LPCAT2: variants seen among roughly 807,000 people sequenced by gnomAD.
The protein encoded by LPCAT2 is lysophosphatidylcholine acyltransferase 2.
Under a neutral mutation model 64.7 loss-of-function variants are expected in LPCAT2, and 58 were observed. That is an observed-to-expected ratio of 0.90 (90% confidence interval 0.73 to 1.12). LPCAT2 has a LOEUF of 1.12. Ranked by LOEUF, LPCAT2 falls within the 50% of genes most tolerant of loss-of-function variation. LPCAT2 has a pLI of 0.00. For synonymous variants in LPCAT2, 252 were observed against 245.3 expected, an observed-to-expected ratio of 1.03 and a Z score of -0.26; for missense variants, 579 against 669.8, an observed-to-expected ratio of 0.86 and a Z score of 1.50.
intron 11 of LPCAT2, among the ~76,000 whole-genome samples, chr16:55,554,836 G>A (rs76396852): frequency 0.016 from 2,401 of 152,128 alleles, 59 homozygotes; most frequent in African/African-American, 0.051. Flanking sequence ...GTTATTACTC[G>A]GCCTAATTTC....
In LPCAT2 at chr16:55,528,569, G is replaced by C; in HGVS notation, c.504G>C (p.Glu168Asp). Residue 168 changes from glutamate (E) to aspartate (D), a missense_variant, in exon 3 of 14, where the codon GAG becomes GAC. Physicochemically the swap from Glu to Asp is conservative, Grantham distance 45. Coordinates refer to ENST00000262134, the MANE Select transcript of LPCAT2 (RefSeq NM_017839.5). ...AGLPSMVSRN[E>D]NAQVPLIGRL... is the part of the protein sequence containing the mutation. Reference sequence around the variant, plus strand: ...TACCTTCTATGGTATCTCGAAATGAGAATGCACAAGTCCCTCTGATTGGCA... The same window carrying C: ...TACCTTCTATGGTATCTCGAAATGACAATGCACAAGTCCCTCTGATTGGCA... The C allele has an allele frequency of 2.5e-6, 4 of 1,613,324 alleles. No homozygotes were observed. The highest frequency in any genetic ancestry group is 3.4e-6 in the Non-Finnish European group (4 of 1,179,428).
At chr16:55,578,762 T>A (rs1963856857) in intron 12 of LPCAT2, among the ~76,000 whole-genome samples, 1 of 152,172 alleles carries the variant, frequency 6.6e-6, no homozygotes, top group Non-Finnish European at 1.5e-5. Flanking sequence ...CACTTGCCAT[T>A]CTTTGTATAT....
chr16:55,566,132 G>C (rs1184711534), intron 11 of LPCAT2, among the ~76,000 whole-genome samples: 2 of 152,122 alleles, frequency 1.3e-5, no homozygotes, highest in Non-Finnish European at 2.9e-5. Flanking sequence ...TTTCAAAAAA[G>C]ATTTTAGCAA....
At chr16:55,515,031 A>C (rs1280830858) in intron 1 of LPCAT2, among the ~76,000 whole-genome samples, 3 of 152,044 alleles carry the variant, frequency 2.0e-5, no homozygotes, top group Admixed American at 1.3e-4. Flanking sequence ...GAACATAAAA[A>C]AAGATGAAGA....
At chr16:55,546,783 T>G (rs1426168047) in intron 9 of LPCAT2, among the ~76,000 whole-genome samples, 4 of 152,092 alleles carry the variant, frequency 2.6e-5, no homozygotes, top group African/African-American at 7.2e-5. Context: ...TTTTATGTTT[T>G]CTTCTCTTCC....
chr16:55,533,769 T>G (rs1414365354), intron 6 of LPCAT2, among the ~76,000 whole-genome samples: 2 of 152,122 alleles, frequency 1.3e-5, no homozygotes, highest in Non-Finnish European at 1.5e-5. Context: ...CTGTTCCAGT[T>G]GGGTACATTG....
chr16:55,517,417 T>C (rs557562270), intron 1 of LPCAT2, among the ~76,000 whole-genome samples: 2 of 152,150 alleles, frequency 1.3e-5, no homozygotes, highest in South Asian at 4.2e-4. Flanking sequence ...AAAGGGTTAA[T>C]GAAGAATTAA....
intron 8 of LPCAT2, among the ~76,000 whole-genome samples, chr16:55,544,827 C>T (rs1963435396): frequency 6.6e-6 from 1 of 152,014 alleles, no homozygotes; most frequent in Non-Finnish European, 1.5e-5. Flanking sequence ...TTTTTTGAAT[C>T]TGACAAATCT....
At chr16:55,559,663 A>G (rs761372444) in intron 11 of LPCAT2, among the ~76,000 whole-genome samples, 4 of 152,054 alleles carry the variant, frequency 2.6e-5, no homozygotes, top group South Asian at 2.1e-4. Flanking sequence ...TTTATATGTA[A>G]TACAGTATTT....
chr16:55,577,128 G>A (rs1446675485), intron 12 of LPCAT2, among the ~76,000 whole-genome samples: 2 of 152,120 alleles, frequency 1.3e-5, no homozygotes, highest in Admixed American at 6.6e-5. Flanking sequence ...AACAGATGTC[G>A]ATTCACTTTT....
chr16:55,565,810 C>T lies in LPCAT2; in HGVS notation c.1216-8821C>T, dbSNP rs191683605. ...TTTCACAATGCAAATATACTTAATG[C>T]CACTGAACTCTATACTTAAAAATGG... On this transcript the variant is annotated intron_variant, in intron 11 of 13. Coordinates refer to ENST00000262134, the MANE Select transcript of LPCAT2 (RefSeq NM_017839.5). 6.2e-4 allele frequency among the ~76,000 whole-genome samples: 94 copies of T among 152,136 alleles called. 1 individual carries two copies. The highest frequency in any genetic ancestry group is 2.2e-3 in the African/African-American group (90 of 41,530).
intron 7 of LPCAT2, among the ~76,000 whole-genome samples, chr16:55,535,324 G>A (rs147504986): frequency 2.6e-5 from 4 of 152,084 alleles, no homozygotes; most frequent in East Asian, 1.9e-4. Context: ...TAACTTCAAC[G>A]TAATCCAACC....
At chr16:55,543,219 A>G (rs1963416818) in intron 8 of LPCAT2, among the ~76,000 whole-genome samples, 3 of 152,168 alleles carry the variant, frequency 2.0e-5, no homozygotes, top group Non-Finnish European at 4.4e-5. Flanking sequence ...GATTTTAATT[A>G]TTTTGTACTC....
chr16:55,560,606 C>G (rs1963625228), intron 11 of LPCAT2, among the ~76,000 whole-genome samples: 1 of 152,034 alleles, frequency 6.6e-6, no homozygotes, highest in Admixed American at 6.6e-5. Flanking sequence ...ATGTTGCTGT[C>G]ACAAATCTAG....
At chr16:55,537,321 G>A (rs1187285932) in intron 7 of LPCAT2, among the ~76,000 whole-genome samples, 1 of 151,828 alleles carries the variant, frequency 6.6e-6, no homozygotes, top group Non-Finnish European at 1.5e-5. Flanking sequence ...AGCCCAGGAG[G>A]TTGAGGCTGC....
chr16:55,551,261 G>T, intron 11 of LPCAT2, 159 bp downstream of exon 11: 1 of 435,116 alleles, frequency 2.3e-6, no homozygotes, highest in Non-Finnish European at 4.0e-6. Context: ...CTCCTTAATA[G>T]TAATATTAAT....
intron 11 of LPCAT2, among the ~76,000 whole-genome samples, chr16:55,571,148 TAA>T (rs1450703562): frequency 6.6e-6 from 1 of 152,200 alleles, no homozygotes; most frequent in African/African-American, 2.4e-5. Context: ...TAAAAAGTTA[TAA>T]AGAGTATCTA....
chr16:55,540,984 C>T (rs1963389108), intron 8 of LPCAT2: 2 of 152,178 alleles, frequency 1.3e-5, no homozygotes, highest in Non-Finnish European at 2.9e-5. Flanking sequence ...CTATATTCAT[C>T]CCTCTTCTCC....
intron 9 of LPCAT2, among the ~76,000 whole-genome samples, chr16:55,547,819 G>A (rs1963470961): frequency 6.6e-6 from 1 of 151,898 alleles, no homozygotes; most frequent in African/African-American, 2.4e-5. Flanking sequence ...TCAGGCTGGA[G>A]TGCAATGGTG....
Sources: gnomAD v4.1 joint callset for allele counts (sites outside exome capture counted in the v4.1 genomes callset) on GRCh38, gnomAD v4.1.1 for gene constraint, MANE v1.5 for transcripts, NCBI Gene and HGNC (gene_info 2026-07-23, HGNC 2026-07-21) for gene names.